KIF2A: variants seen among roughly 807,000 people sequenced by gnomAD.
KIF2A encodes the protein kinesin family member 2A, also known as kinesin-like protein KIF2A.
In KIF2A, 22 loss-of-function variants were observed where a neutral mutation model predicts 100.2. The ratio of observed to expected loss-of-function variants is 0.22; its 90% CI spans 0.16 to 0.31. The LOEUF is 0.31. KIF2A is among the 10% of genes least tolerant of loss of function. KIF2A has a pLI of 1.00. For missense variants in KIF2A, 495 were observed against 898.7 expected (o/e 0.55, Z 5.74); for synonymous variants, 268 against 285.9 (o/e 0.94, Z 0.63).
intron 1 of KIF2A, among the ~76,000 whole-genome samples, chr5:62,316,540 C>G (rs1303517324): frequency 1.3e-5 from 2 of 152,130 alleles, no homozygotes; most frequent in African/African-American, 4.8e-5. Context: ...AGGCACAGCA[C>G]AGAGGCAGTG....
intron 1 of KIF2A, among the ~76,000 whole-genome samples, chr5:62,339,376 C>G (rs1747153508): frequency 6.6e-6 from 1 of 151,642 alleles, no homozygotes; most frequent in Admixed American, 6.6e-5. Context: ...ATCCAATCAC[C>G]TCCACTGGGC....
In KIF2A at chr5:62,385,555, C is replaced by A. The variant is rs1741985386; in HGVS notation, c.2221C>A (p.Pro741Thr). ...CAGCAAGCAAATCAACCCGAAGAGA[C>A]CCCGTGCCCTTTAAACCGGCATTTG... The part of the protein sequence containing the change: ...QASKQINPKR[P>T]RAL The change falls in exon 21 of 21, where the codon CCC becomes ACC. Residue 741 changes from proline to threonine, a missense_variant. Transcript: ENST00000407818. 2 of 1,591,876 alleles carry A rather than the reference C, an allele frequency of 1.3e-6. No individual in the cohort carries two copies. Among genetic ancestry groups the A allele is most frequent in the Non-Finnish European group, 1.7e-6 (2 of 1,168,556 alleles).
At chr5:62,345,490 A>G (rs66992601) in intron 1 of KIF2A, among the ~76,000 whole-genome samples, 1 of 147,854 alleles carries the variant, frequency 6.8e-6, no homozygotes. Context: ...TCAAAAAAAA[A>G]AAAAGAAAAG....
chr5:62,346,688 C>T (rs1184769490), intron 1 of KIF2A, among the ~76,000 whole-genome samples: 1 of 152,126 alleles, frequency 6.6e-6, no homozygotes, highest in Non-Finnish European at 1.5e-5. Flanking sequence ...TGCAGTGAGC[C>T]AAGATCGCAT....
chr5:62,361,443 T>C, intron 10 of KIF2A, 23 bp from the exon 11 acceptor site: 1 of 1,509,734 alleles, frequency 6.6e-7, no homozygotes. Flanking sequence ...ATGTCTGTTC[T>C]TTATTTTCTT....
intron 20 of KIF2A, among the ~76,000 whole-genome samples, chr5:62,383,977 C>A (rs1321337475): frequency 6.6e-6 from 1 of 152,110 alleles, no homozygotes; most frequent in Non-Finnish European, 1.5e-5. Flanking sequence ...GGCCAGACAC[C>A]TGTAATCCCA....
At chr5:62,363,469 A>G (rs950352575) in intron 13 of KIF2A, 149 bp downstream of exon 13, 1 of 759,714 alleles carries the variant, frequency 1.3e-6, no homozygotes, top group Non-Finnish European at 2.1e-6. Flanking sequence ...GTGAGTGACA[A>G]TTATTATATT....
chr5:62,352,393 CTT>C (rs1298290045), intron 4 of KIF2A, among the ~76,000 whole-genome samples, 193 bp from the exon 5 acceptor site: 1 of 151,934 alleles, frequency 6.6e-6, no homozygotes, highest in Non-Finnish European at 1.5e-5. Context: ...TTGAAAGCCT[CTT>C]TTAGCTTATG....
chr5:62,359,814 G>C (rs1207357879), intron 9 of KIF2A, among the ~76,000 whole-genome samples: 1 of 151,876 alleles, frequency 6.6e-6, no homozygotes, highest in African/African-American at 2.4e-5. Context: ...TTTTTTTGTG[G>C]GTAGGGTTGG....
At chr5:62,308,157 T>G (rs1745402868) in intron 1 of KIF2A, among the ~76,000 whole-genome samples, 1 of 152,222 alleles carries the variant, frequency 6.6e-6, no homozygotes, top group African/African-American at 2.4e-5. Context: ...TTATCCTGTA[T>G]ATGAAAAGAT....
intron 1 of KIF2A, among the ~76,000 whole-genome samples, chr5:62,323,964 G>A (rs1746236338): frequency 1.3e-5 from 2 of 151,992 alleles, no homozygotes; most frequent in Admixed American, 1.3e-4. Flanking sequence ...AGCCCCAGAG[G>A]TTGAGGCTGC....
chr5:62,336,326 C>T (rs1746944286), intron 1 of KIF2A, among the ~76,000 whole-genome samples: 1 of 152,198 alleles, frequency 6.6e-6, no homozygotes, highest in Non-Finnish European at 1.5e-5. Flanking sequence ...TGATTTGCTC[C>T]TGGAGCTAGA....
chr5:62,381,377 A>G (rs867170450), intron 20 of KIF2A, 124 bp downstream of exon 20: 107 of 733,320 alleles, frequency 1.5e-4, no homozygotes, highest in Middle Eastern at 8.1e-4. Context: ...TTTAGCATCT[A>G]TTTTCCAGAG....
intron 1 of KIF2A, among the ~76,000 whole-genome samples, chr5:62,316,903 TGAG>T (rs935779095): frequency 1.3e-5 from 2 of 152,174 alleles, no homozygotes; most frequent in African/African-American, 4.8e-5. Context: ...AATTTATGAA[TGAG>T]GATTAGTCAT....
chr5:62,344,828 G>A (rs561331178), intron 1 of KIF2A, among the ~76,000 whole-genome samples: 140 of 152,264 alleles, frequency 9.2e-4, no homozygotes, highest in Admixed American at 3.1e-3. Context: ...ATGTATTTTA[G>A]TTTTTTCTTT....
chr5:62,389,485 C>CAAAA lies in KIF2A; in HGVS notation c.*3929_*3932dup, dbSNP rs775533413. On this transcript the variant is annotated 3_prime_UTR_variant, in exon 21 of 21. Transcript: ENST00000407818. Reference sequence around the variant, plus strand: ...TGGGTGACAGAGCAAGACTCTGTCTCAAAAAAAAAAAAAAAAGAAATGTTA... The same window carrying CAAAA: ...TGGGTGACAGAGCAAGACTCTGTCTCAAAAAAAAAAAAAAAAAAAAGAAATGTTA... Among the ~76,000 whole-genome samples, 29 of 75,910 alleles carry CAAAA rather than the reference C, an allele frequency of 3.8e-4. No homozygotes were observed. Among genetic ancestry groups the CAAAA allele is most frequent in the South Asian group, 1.4e-3 (3 of 2,210 alleles). The allele number at this position is 75,910 out of a possible 152,430, so 49.8% of individuals were successfully genotyped here.
chr5:62,388,795 T>C lies in KIF2A; in HGVS notation c.*3226T>C. On this transcript the variant is annotated 3_prime_UTR_variant, in exon 21 of 21. Coordinates refer to ENST00000407818, the MANE Select transcript of KIF2A (RefSeq NM_001098511.3). The stretch of plus-strand genomic sequence containing the variant: ...TCCTGAACTTGAAGATTATTATGAA[T>C]AGATTGGACCAGCATTATATATTAA... 3.5e-6 allele frequency: 2 copies of C among 569,430 alleles called. No individual in the cohort carries two copies. Among genetic ancestry groups the C allele is most frequent in the Non-Finnish European group, 6.3e-6 (2 of 316,958 alleles). The allele number at this position is 569,430 out of a possible 1,614,324, so 35.3% of individuals were successfully genotyped here. A position where few individuals can be genotyped will look rare whatever the true frequency, so the allele number is the denominator to read the frequency against.
At chr5:62,373,236 A>T (rs886347305) in intron 17 of KIF2A, among the ~76,000 whole-genome samples, 8 of 152,110 alleles carry the variant, frequency 5.3e-5, no homozygotes, top group Middle Eastern at 3.4e-3. Context: ...TAACTACCAG[A>T]AATCTGCAGG....
At chr5:62,308,823 A>G (rs904065712) in intron 1 of KIF2A, among the ~76,000 whole-genome samples, 1 of 152,230 alleles carries the variant, frequency 6.6e-6, no homozygotes, top group Non-Finnish European at 1.5e-5. Context: ...GCAGATATGT[A>G]GGATGAACAA....
Sources: gnomAD v4.1 joint callset for allele counts (sites outside exome capture counted in the v4.1 genomes callset) on GRCh38, gnomAD v4.1.1 for gene constraint, MANE v1.5 for transcripts, NCBI Gene and HGNC (gene_info 2026-07-23, HGNC 2026-07-21) for gene names.